KCNQ3: variants seen among roughly 807,000 people sequenced by gnomAD.
The protein encoded by KCNQ3 is potassium voltage-gated channel subfamily Q member 3.
In KCNQ3, 30 loss-of-function variants were observed where a neutral mutation model predicts 92.5. The ratio of observed to expected loss-of-function variants is 0.32; its 90% CI spans 0.24 to 0.44. The LOEUF (loss-of-function observed/expected upper bound fraction) is 0.44, where lower values mean the gene tolerates loss of function less well. KCNQ3 is among the 20% of genes least tolerant of loss of function. The pLI, the probability that KCNQ3 is intolerant of heterozygous loss-of-function variation, is 1.00. For missense variants in KCNQ3, 913 were observed against 1,140.3 expected (o/e 0.80, Z 2.87); for synonymous variants, 450 against 468.8 (o/e 0.96, Z 0.52).
chr8:132,167,540 C>T (rs923989714), intron 8 of KCNQ3, among the ~76,000 whole-genome samples: 3 of 152,204 alleles, frequency 2.0e-5, no homozygotes, highest in South Asian at 2.1e-4. Flanking sequence ...ACCAGTGTGT[C>T]GTCAGCTACT....
At chr8:132,169,372 C>T (rs1385591136) in intron 8 of KCNQ3, among the ~76,000 whole-genome samples, 2 of 152,130 alleles carry the variant, frequency 1.3e-5, no homozygotes, top group East Asian at 1.9e-4. Context: ...ATAATGAACT[C>T]GAATGCCTAG....
At chr8:132,434,029 A>G (rs1821320602) in intron 1 of KCNQ3, among the ~76,000 whole-genome samples, 1 of 152,038 alleles carries the variant, frequency 6.6e-6, no homozygotes, top group Non-Finnish European at 1.5e-5. Context: ...TAAAACGGTG[A>G]AACCCCGTCT....
In KCNQ3 at chr8:132,479,536, T is replaced by G. The variant is rs145620086; in HGVS notation, c.386+611A>C. On this transcript the variant is annotated intron_variant, in intron 1 of 14. Coordinates refer to ENST00000388996, the MANE Select transcript of KCNQ3 (RefSeq NM_004519.4). ...CTTCCCTAAAAGGAATCCTAGAACA[T>G]GCATTTTGGCCAGTCCCAGCTCCCA... is the stretch of plus-strand genomic sequence containing the variant. Among the ~76,000 whole-genome samples, 12 of 152,090 alleles carry G rather than the reference T, an allele frequency of 7.9e-5. No homozygotes were observed. In the East Asian group the frequency reaches 1.9e-3, roughly 25 times the overall value.
chr8:132,245,092 T>C (rs1815123657), intron 1 of KCNQ3, among the ~76,000 whole-genome samples: 1 of 152,144 alleles, frequency 6.6e-6, no homozygotes, highest in Non-Finnish European at 1.5e-5. Context: ...CCTGATATAA[T>C]TTGTGCCTGT....
intron 10 of KCNQ3, 80 bp downstream of exon 10, chr8:132,141,049 C>T: frequency 6.0e-6 from 8 of 1,327,742 alleles, no homozygotes; most frequent in Non-Finnish European, 8.7e-6. Flanking sequence ...CTTAAGTGGG[C>T]AAAGGGAGAG....
intron 1 of KCNQ3, among the ~76,000 whole-genome samples, chr8:132,368,861 C>T (rs1819394838): frequency 6.6e-6 from 1 of 152,094 alleles, no homozygotes; most frequent in Admixed American, 6.6e-5. Flanking sequence ...ATTTGCACAG[C>T]TGTATTAACT....
chr8:132,427,406 G>A (rs77379302), intron 1 of KCNQ3, among the ~76,000 whole-genome samples: 2,086 of 152,294 alleles, frequency 0.014, 35 homozygotes, highest in African/African-American at 0.048. Flanking sequence ...GTCACATCAT[G>A]GTGAGGGACC....
chr8:132,431,118 G>A (rs1290115170), intron 1 of KCNQ3, among the ~76,000 whole-genome samples: 1 of 152,106 alleles, frequency 6.6e-6, no homozygotes, highest in Non-Finnish European at 1.5e-5. Context: ...GCCAAGCCCA[G>A]CTCATCCCAG....
chr8:132,172,758 G>A, intron 6 of KCNQ3, 65 bp from the exon 7 acceptor site: 4 of 1,186,986 alleles, frequency 3.4e-6, no homozygotes, highest in Non-Finnish European at 3.8e-6. Flanking sequence ...CCGCTCCATT[G>A]CCAGGGTAAT....
intron 1 of KCNQ3, among the ~76,000 whole-genome samples, chr8:132,329,477 C>T (rs940615540): frequency 2.5e-4 from 35 of 141,696 alleles, no homozygotes; most frequent in Admixed American, 5.6e-4. Flanking sequence ...TTCTGAGATT[C>T]TCTTGAAATA....
chr8:132,141,600 C>G (rs1825299819), intron 9 of KCNQ3, among the ~76,000 whole-genome samples: 1 of 152,194 alleles, frequency 6.6e-6, no homozygotes, highest in African/African-American at 2.4e-5. Flanking sequence ...GAGGTGCCCG[C>G]TATAAATTGC....
intron 13 of KCNQ3, 106 bp downstream of exon 13, chr8:132,134,184 G>A: frequency 1.2e-6 from 1 of 825,510 alleles, no homozygotes; most frequent in South Asian, 1.4e-5. Flanking sequence ...TTACTTAGGA[G>A]AGTGACAACT....
intron 1 of KCNQ3, among the ~76,000 whole-genome samples, chr8:132,289,110 A>G (rs960656929): frequency 2.0e-5 from 3 of 152,232 alleles, no homozygotes; most frequent in African/African-American, 7.2e-5. Context: ...AGGTTAAAAA[A>G]TGCATCACTA....
intron 1 of KCNQ3, among the ~76,000 whole-genome samples, chr8:132,284,501 C>G (rs1221083647): frequency 6.7e-6 from 1 of 148,244 alleles, no homozygotes; most frequent in Non-Finnish European, 1.5e-5. Flanking sequence ...TTTTTTTTAT[C>G]TACTCTTTGG....
chr8:132,276,498 C>A (rs1230375582), intron 1 of KCNQ3, among the ~76,000 whole-genome samples: 1 of 152,152 alleles, frequency 6.6e-6, no homozygotes, highest in Non-Finnish European at 1.5e-5. Context: ...CTTAGACATT[C>A]AGTGGTGGGA....
At chr8:132,439,173 A>G (rs1430973271) in intron 1 of KCNQ3, among the ~76,000 whole-genome samples, 1 of 151,864 alleles carries the variant, frequency 6.6e-6, no homozygotes, top group East Asian at 1.9e-4. Context: ...GGCAAAGTCA[A>G]GATTTACCCC....
Position 132,128,927 on chromosome 8 carries a change from CA to C in KCNQ3, c.*334del, listed in dbSNP as rs1295834918. On this transcript the variant is annotated 3_prime_UTR_variant, in exon 15 of 15. Coordinates refer to ENST00000388996, the MANE Select transcript of KCNQ3 (RefSeq NM_004519.4). ...CCAAAACCCAAACCAGCCAACCAAA[CA>C]GACAAATAGCATGGCTCATCAGTAA... is the stretch of plus-strand genomic sequence containing the variant. 1 of 275,720 alleles carries C rather than the reference CA, an allele frequency of 3.6e-6. No homozygotes were observed. Among genetic ancestry groups the C allele is most frequent in the East Asian group, 6.8e-5 (1 of 14,724 alleles). The allele number at this position is 275,720 out of a possible 1,614,324, so 17.1% of individuals were successfully genotyped here.
At chr8:132,241,921 T>C (rs570843000) in intron 1 of KCNQ3, among the ~76,000 whole-genome samples, 20 of 152,284 alleles carry the variant, frequency 1.3e-4, no homozygotes, top group African/African-American at 4.8e-4. Flanking sequence ...GAAATGAAAC[T>C]GCAAGTGGAA....
chr8:132,242,948 G>A (rs879666812), intron 1 of KCNQ3, among the ~76,000 whole-genome samples: 4 of 152,144 alleles, frequency 2.6e-5, no homozygotes, highest in Non-Finnish European at 5.9e-5. Flanking sequence ...TAGACAGAGA[G>A]GCTACCTCTG....
Sources: gnomAD v4.1 joint callset for allele counts (sites outside exome capture counted in the v4.1 genomes callset) on GRCh38, gnomAD v4.1.1 for gene constraint, MANE v1.5 for transcripts, NCBI Gene and HGNC (gene_info 2026-07-23, HGNC 2026-07-21) for gene names.